The following CEP70 variants were observed in gnomAD, a reference collection of about 807,000 sequenced individuals.
The protein encoded by CEP70 is centrosomal protein 70.
In CEP70, 70 loss-of-function variants were observed where a neutral mutation model predicts 90.9. The observed-to-expected ratio is 0.77, with a 90% confidence interval of 0.64 to 0.94. The LOEUF (loss-of-function observed/expected upper bound fraction) is 0.94, where lower values mean the gene tolerates loss of function less well. CEP70 is among the 40% of genes least tolerant of loss of function. The pLI is 0.00. For synonymous variants in CEP70, 220 were observed against 228.3 expected (o/e 0.96, Z 0.33); for missense variants, 648 against 669.0 (o/e 0.97, Z 0.35).
chr3:138,499,303 A>G (rs1453827878), intron 16 of CEP70, among the ~76,000 whole-genome samples: 2 of 152,120 alleles, frequency 1.3e-5, no homozygotes, highest in African/African-American at 2.4e-5. Flanking sequence ...CAATGTCTTG[A>G]TATTTTCTAA....
intron 6 of CEP70, among the ~76,000 whole-genome samples, chr3:138,547,382 A>G (rs926562302): frequency 1.4e-4 from 22 of 152,184 alleles, no homozygotes; most frequent in African/African-American, 5.3e-4. Flanking sequence ...ACTTCCACCA[A>G]CAAATTAATG....
chr3:138,529,279 C>G lies in CEP70; in HGVS notation c.789G>C (p.Gln263His), dbSNP rs1046443857. 5.6e-6 allele frequency: 9 copies of G among 1,600,122 alleles called. No individual in the cohort carries two copies. The highest frequency in any genetic ancestry group is 6.8e-6 in the Non-Finnish European group (8 of 1,171,536). ...TAGATTTTGATTCCTTGAGTTGATT[C>G]TGTAATGACTGCAACACATTTCATA... ...PTYKGLLMSLQNQLKESKSKI... is the reference protein window; with the variant it reads ...PTYKGLLMSLHNQLKESKSKI... Residue 263 changes from glutamine to histidine, a missense_variant, in exon 10 of 18, where the codon CAG becomes CAC. Gln to His is a conservative substitution (Grantham distance 24). Coordinates refer to ENST00000264982, the MANE Select transcript of CEP70 (RefSeq NM_024491.4).
intron 6 of CEP70, among the ~76,000 whole-genome samples, chr3:138,561,712 T>C (rs2040418978): frequency 6.6e-6 from 1 of 151,966 alleles, no homozygotes; most frequent in South Asian, 2.1e-4. Flanking sequence ...CTGATGGAGC[T>C]GAAAAACACA....
chr3:138,576,574 C>A (rs1386622284), intron 2 of CEP70, among the ~76,000 whole-genome samples: 3 of 152,138 alleles, frequency 2.0e-5, no homozygotes, highest in East Asian at 1.9e-4. Context: ...ATATCCAGGA[C>A]TTGAACTCAG....
At chr3:138,559,150 T>C (rs796257718) in intron 6 of CEP70, among the ~76,000 whole-genome samples, 8 of 151,826 alleles carry the variant, frequency 5.3e-5, no homozygotes, top group African/African-American at 1.9e-4. Context: ...AACTAAAAAA[T>C]ACAATAACCG....
At chr3:138,552,123 T>C (rs527451501) in intron 6 of CEP70, among the ~76,000 whole-genome samples, 1 of 152,002 alleles carries the variant, frequency 6.6e-6, no homozygotes, top group African/African-American at 2.4e-5. Flanking sequence ...CAGGAAAATA[T>C]CACAATCCTA....
At chr3:138,537,988 C>T (rs763637042) in intron 6 of CEP70, among the ~76,000 whole-genome samples, 2 of 152,220 alleles carry the variant, frequency 1.3e-5, no homozygotes, top group South Asian at 2.1e-4. Flanking sequence ...GTAAGAGAAT[C>T]GGACTTCTGT....
At chr3:138,558,581 A>G (rs1361030153) in intron 6 of CEP70, among the ~76,000 whole-genome samples, 1 of 152,160 alleles carries the variant, frequency 6.6e-6, no homozygotes, top group Non-Finnish European at 1.5e-5. Context: ...ACTACACCCT[A>G]GGAATAATGA....
intron 17 of CEP70, 77 bp downstream of exon 17, chr3:138,497,954 G>T: frequency 6.3e-7 from 1 of 1,582,828 alleles, no homozygotes; most frequent in South Asian, 1.2e-5. Context: ...CTAATCCAGT[G>T]ACCAAGGAAC....
rs547324014 is a variant in CEP70 at position 138,551,454 on chromosome 3, A to T, written c.466-14107T>A. On this transcript the variant is annotated intron_variant, in intron 6 of 17. Transcript: ENST00000264982. The stretch of plus-strand genomic sequence containing the variant: ...GGACCTATAAAACAAAAATACAATT[A>T]AAAAAATCTGGCTGGGTGCAGTGGT... Among the ~76,000 whole-genome samples the T allele has an allele frequency of 5.3e-4, 81 of 152,242 alleles. 1 individual carries two copies. The highest frequency in any genetic ancestry group is 3.4e-3 in the Middle Eastern group (1 of 294).
At chr3:138,580,266 C>G (rs2041783267) in intron 2 of CEP70, among the ~76,000 whole-genome samples, 1 of 152,124 alleles carries the variant, frequency 6.6e-6, no homozygotes, top group South Asian at 2.1e-4. Flanking sequence ...CCCAGTAGGG[C>G]CGGCCACAGG....
At position 138,591,842 on chromosome 3, in the gene CEP70, C is replaced by T; in HGVS notation, c.-6+12G>A. ...TCCCAACATCTGGAGTCATCCGTTA[C>T]ATTAGACATACCTCAGTCATAGCAT... On this transcript the variant is annotated intron_variant, in intron 2 of 17. Coordinates refer to ENST00000264982, the MANE Select transcript of CEP70 (RefSeq NM_024491.4). 1 of 1,532,228 alleles carries T rather than the reference C, an allele frequency of 6.5e-7. No homozygotes were observed. Among genetic ancestry groups the T allele is most frequent in the East Asian group, 2.5e-5 (1 of 40,806 alleles). The allele number at this position is 1,532,228 out of a possible 1,614,324, so 94.9% of individuals were successfully genotyped here.
intron 6 of CEP70, among the ~76,000 whole-genome samples, chr3:138,538,304 G>A (rs2038461224): frequency 6.6e-6 from 1 of 152,168 alleles, no homozygotes; most frequent in African/African-American, 2.4e-5. Context: ...GCACCACACT[G>A]TAGGAGGTAC....
intron 13 of CEP70, among the ~76,000 whole-genome samples, chr3:138,503,955 A>G (rs2034751425): frequency 2.6e-5 from 4 of 152,340 alleles, no homozygotes; most frequent in Admixed American, 2.6e-4. Flanking sequence ...TCTTGTGTTC[A>G]TCCCATAATG....
intron 2 of CEP70, among the ~76,000 whole-genome samples, chr3:138,590,346 A>ACAC (rs2042318480): frequency 1.3e-5 from 2 of 152,140 alleles, no homozygotes; most frequent in Non-Finnish European, 2.9e-5. Flanking sequence ...TGAAGACTGG[A>ACAC]AGTAGAATAC....
At chr3:138,523,590 CAGAG>C (rs1254701232) in intron 11 of CEP70, among the ~76,000 whole-genome samples, 10 of 152,142 alleles carry the variant, frequency 6.6e-5, no homozygotes, top group African/African-American at 2.4e-4. Flanking sequence ...AACAGACAAA[CAGAG>C]AGCCAAATCA....
intron 7 of CEP70, chr3:138,536,893 A>G (rs1463411516): frequency 5.2e-6 from 1 of 190,668 alleles, no homozygotes; most frequent in Non-Finnish European, 1.1e-5. Flanking sequence ...ATTCTTCACT[A>G]AAAGGATCAG....
chr3:138,546,967 G>C (rs558527521), intron 6 of CEP70, among the ~76,000 whole-genome samples: 2 of 152,074 alleles, frequency 1.3e-5, no homozygotes, highest in Non-Finnish European at 2.9e-5. Flanking sequence ...AGGAAAAAAG[G>C]TTCTCAGCTT....
intron 7 of CEP70, 38 bp downstream of exon 7, chr3:138,537,140 T>C: frequency 7.2e-7 from 1 of 1,390,906 alleles, no homozygotes; most frequent in Non-Finnish European, 9.5e-7. Context: ...AACACAACAA[T>C]GAATCTAGCT....
Sources: allele counts gnomAD v4.1 joint callset (sites outside exome capture counted in the v4.1 genomes callset), GRCh38; gene constraint gnomAD v4.1.1; transcripts MANE v1.5; gene names NCBI Gene and HGNC (gene_info 2026-07-23, HGNC 2026-07-21).